The following MTA3 variants were observed in gnomAD, a reference collection of about 807,000 sequenced individuals.
MTA3 encodes metastasis associated 1 family member 3.
MTA3 carries 34 observed loss-of-function variants against 83.5 expected under a neutral mutation model. The ratio of observed to expected loss-of-function variants is 0.41; its 90% CI spans 0.31 to 0.54. The LOEUF (loss-of-function observed/expected upper bound fraction) is 0.54, where lower values mean the gene tolerates loss of function less well. MTA3 is among the 20% of genes least tolerant of loss of function. The probability of loss-of-function intolerance (pLI) is 0.33; values close to 1 mark genes in which losing one functional copy is unlikely to be tolerated. For missense variants in MTA3, 761 were observed against 726.4 expected (o/e 1.05, Z -0.55); for synonymous variants, 303 against 252.7 (o/e 1.20, Z -1.89).
intron 4 of MTA3, among the ~76,000 whole-genome samples, chr2:42,629,566 A>G (rs1686470858): frequency 6.6e-6 from 1 of 152,274 alleles, no homozygotes; most frequent in East Asian, 1.9e-4. Context: ...GTCCTTGAAC[A>G]AGGAGGTGGG....
At chr2:42,542,201 C>T (rs949355882) in intron 2 of MTA3, among the ~76,000 whole-genome samples, 6 of 152,184 alleles carry the variant, frequency 3.9e-5, no homozygotes, top group Admixed American at 1.3e-4. Context: ...TCTTCCCGTA[C>T]GCCAGTCAGC....
At chr2:42,666,031 A>G (rs1336086094) in intron 8 of MTA3, among the ~76,000 whole-genome samples, 1 of 152,174 alleles carries the variant, frequency 6.6e-6, no homozygotes, top group Non-Finnish European at 1.5e-5. Flanking sequence ...TAATCCCAGC[A>G]CTTTGGGAGG....
At chr2:42,595,868 C>T (rs1262951983) in intron 3 of MTA3, among the ~76,000 whole-genome samples, 1 of 152,142 alleles carries the variant, frequency 6.6e-6, no homozygotes, top group Non-Finnish European at 1.5e-5. Flanking sequence ...AATGCTTTTA[C>T]ATGTAAGTCC....
chr2:42,702,960 C>G (rs1157057883), intron 11 of MTA3: 1 of 152,338 alleles, frequency 6.6e-6, no homozygotes, highest in Non-Finnish European at 1.5e-5. Context: ...CTCTTCCCCT[C>G]CCTGCTCCCC....
At chr2:42,579,981 G>T (rs576307666) in intron 3 of MTA3, among the ~76,000 whole-genome samples, 43 of 151,860 alleles carry the variant, frequency 2.8e-4, no homozygotes, top group Non-Finnish European at 4.4e-4. Flanking sequence ...TTGCTCTGTT[G>T]CCCAGGCTGG....
intron 2 of MTA3, among the ~76,000 whole-genome samples, chr2:42,531,128 C>T (rs1675944536): frequency 6.6e-6 from 1 of 152,166 alleles, no homozygotes; most frequent in Non-Finnish European, 1.5e-5. Context: ...CCATGCCCGG[C>T]CCCATGTGGC....
intron 2 of MTA3, among the ~76,000 whole-genome samples, chr2:42,503,162 G>T (rs1313336940): frequency 6.6e-6 from 1 of 152,166 alleles, no homozygotes; most frequent in African/African-American, 2.4e-5. Flanking sequence ...AAGGGCTGCT[G>T]GTTGCCCATT....
At chr2:42,655,771 T>C (rs1689113358) in intron 6 of MTA3, among the ~76,000 whole-genome samples, 1 of 152,078 alleles carries the variant, frequency 6.6e-6, no homozygotes, top group Non-Finnish European at 1.5e-5. Flanking sequence ...CCCGGCTAAT[T>C]TTTGTATTTT....
At chr2:42,505,283 T>A (rs1184244426) in intron 2 of MTA3, among the ~76,000 whole-genome samples, 1 of 152,058 alleles carries the variant, frequency 6.6e-6, no homozygotes, top group East Asian at 1.9e-4. Flanking sequence ...TCCCAGCTAC[T>A]CAGGAGGCTG....
At chr2:42,569,677 A>T (rs1369672797) in intron 1 of MTA3, 2 of 152,228 alleles carry the variant, frequency 1.3e-5, no homozygotes, top group Admixed American at 6.5e-5. Flanking sequence ...ATAAACACAC[A>T]GTGGGAAGTT....
chr2:42,566,946 A>G (rs1031027882), upstream of MTA3, among the ~76,000 whole-genome samples: 11 of 152,060 alleles, frequency 7.2e-5, no homozygotes, highest in African/African-American at 2.7e-4. Context: ...AACCCTATTT[A>G]TGTGTCAGCT....
At position 42,544,222 on chromosome 2, in the gene MTA3, C is replaced by T. The variant is rs561108223; in HGVS notation, c.-140-26215C>T. On this transcript the variant is annotated intron_variant, in intron 2 of 17. Transcript: ENST00000405592. The stretch of plus-strand genomic sequence containing the variant: ...CAGCAGTTTGGGAGGCCAAAGCAGG[C>T]AGATCACAAGGTCAGGAGTTTGAGA... Among the ~76,000 whole-genome samples the T allele has an allele frequency of 2.6e-5, 4 of 152,146 alleles. No individual in the cohort carries two copies. The South Asian group carries it at 8.3e-4, about 32-fold the overall frequency.
chr2:42,559,366 G>T (rs1677551883), intron 2 of MTA3, among the ~76,000 whole-genome samples: 1 of 151,802 alleles, frequency 6.6e-6, no homozygotes, highest in African/African-American at 2.4e-5. Flanking sequence ...GCCAGGCGTG[G>T]TGGTGTGCGC....
chr2:42,748,195 ATGTGTTTGTGTGTG>A (rs1313350356), intron 16 of MTA3, among the ~76,000 whole-genome samples: 4 of 57,592 alleles, frequency 6.9e-5, no homozygotes, highest in Non-Finnish European at 1.0e-4. Flanking sequence ...CATCCAGCTA[ATGTGTTTGTGTGTG>A]TGTGTGTGTG....
At chr2:42,726,336 C>T (rs1667815417) in intron 16 of MTA3, among the ~76,000 whole-genome samples, 1 of 151,702 alleles carries the variant, frequency 6.6e-6, no homozygotes, top group Admixed American at 6.6e-5. Flanking sequence ...CTTTGCATTG[C>T]AGGTTCTTTT....
intron 2 of MTA3, among the ~76,000 whole-genome samples, chr2:42,502,705 G>A (rs1674448721): frequency 6.7e-6 from 1 of 150,238 alleles, no homozygotes; most frequent in African/African-American, 2.5e-5. Flanking sequence ...GCTGAGGCAG[G>A]AGAATCACTT....
At chr2:42,664,536 T>G (rs887200152) in intron 8 of MTA3, among the ~76,000 whole-genome samples, 1 of 135,282 alleles carries the variant, frequency 7.4e-6, no homozygotes, top group East Asian at 2.3e-4. Context: ...TGCAGTGGCG[T>G]GATCTTGGCT....
At chr2:42,513,247 C>G (rs1310103517) in intron 2 of MTA3, among the ~76,000 whole-genome samples, 1 of 152,134 alleles carries the variant, frequency 6.6e-6, no homozygotes, top group Non-Finnish European at 1.5e-5. Flanking sequence ...TCTGCAAAAC[C>G]TATTGTGGTT....
intron 2 of MTA3, among the ~76,000 whole-genome samples, chr2:42,503,532 G>A (rs1269289379): frequency 6.6e-6 from 1 of 151,972 alleles, no homozygotes; most frequent in Non-Finnish European, 1.5e-5. Flanking sequence ...GAGTTGCTCT[G>A]GTTCAAACAC....
Sources: gnomAD v4.1 joint callset for allele counts (sites outside exome capture counted in the v4.1 genomes callset) on GRCh38, gnomAD v4.1.1 for gene constraint, MANE v1.5 for transcripts, NCBI Gene and HGNC (gene_info 2026-07-23, HGNC 2026-07-21) for gene names.